Variants in NSD1 observed in about 807,000 individuals in gnomAD.
NSD1 encodes the protein histone-lysine N-methyltransferase, H3 lysine-36 specific.
In NSD1, 26 loss-of-function variants were observed where a neutral mutation model predicts 242.7. The observed-to-expected ratio is 0.11, with a 90% confidence interval of 0.08 to 0.15. The LOEUF (loss-of-function observed/expected upper bound fraction) is 0.15, where lower values mean the gene tolerates loss of function less well. NSD1 is among the 10% of genes least tolerant of loss of function. NSD1 has a pLI of 1.00. For synonymous variants in NSD1, 1,106 were observed against 1,178.1 expected (o/e 0.94, Z 1.25); for missense variants, 2,495 against 3,272.8 (o/e 0.76, Z 5.80).
chr5:177,246,041 G>C (rs1766269037), intron 9 of NSD1, among the ~76,000 whole-genome samples: 5 of 151,428 alleles, frequency 3.3e-5, no homozygotes, highest in Admixed American at 2.6e-4. Context: ...CATGATCTCG[G>C]CTCACTGCAA....
intron 2 of NSD1, among the ~76,000 whole-genome samples, chr5:177,153,379 G>A (rs575916549): frequency 5.9e-5 from 9 of 151,872 alleles, no homozygotes; most frequent in African/African-American, 2.2e-4. Flanking sequence ...CACTTAGATA[G>A]CACTGATTTT....
intron 9 of NSD1, among the ~76,000 whole-genome samples, chr5:177,244,803 A>T (rs569961367): frequency 6.6e-6 from 1 of 152,372 alleles, no homozygotes; most frequent in Admixed American, 6.5e-5. Flanking sequence ...GCCTACGATT[A>T]TTAAATTTTC....
intron 12 of NSD1, among the ~76,000 whole-genome samples, chr5:177,256,543 G>A (rs2149911675): frequency 6.6e-6 from 1 of 152,158 alleles, no homozygotes; most frequent in East Asian, 1.9e-4. Context: ...TCAGCCTCCT[G>A]AAGTGCTGGG....
At chr5:177,257,904 G>T (rs6877611) in intron 13 of NSD1, among the ~76,000 whole-genome samples, 110,968 of 144,468 alleles carry the variant, frequency 0.77, 43,896 homozygotes, top group Middle Eastern at 0.9. Flanking sequence ...GACCTCGTGA[G>T]CCACTCACCT....
intron 5 of NSD1, among the ~76,000 whole-genome samples, chr5:177,227,469 T>G (rs1000239371): frequency 2.0e-5 from 3 of 152,132 alleles, no homozygotes; most frequent in Admixed American, 2.0e-4. Flanking sequence ...TATTATTATT[T>G]TTAGACAGAG....
intron 11 of NSD1, among the ~76,000 whole-genome samples, chr5:177,251,011 GA>G (rs1755905709): frequency 6.6e-6 from 1 of 152,108 alleles, no homozygotes; most frequent in African/African-American, 2.4e-5. Context: ...CCAACGTGGT[GA>G]AACCCCATCT....
At chr5:177,133,637 G>A (rs1221835535), upstream of NSD1, 1 of 150,022 alleles carries the variant, frequency 6.7e-6, no homozygotes, top group Admixed American at 6.6e-5. The surrounding 1 kb of genome is among the most constrained non-coding windows in gnomAD (Gnocchi z 6.2). Flanking sequence ...CCCGAAGAGT[G>A]AGAGAAGGGA....
intron 2 of NSD1, among the ~76,000 whole-genome samples, chr5:177,158,285 CTTTCTTTCTTT>C (rs1486158165): frequency 1.1e-5 from 1 of 90,840 alleles, no homozygotes; most frequent in Non-Finnish European, 2.0e-5. Context: ...TTCTTTCTTT[CTTTCTTTCTTT>C]CTTTCTTTTC....
At chr5:177,207,193 C>T (rs1022485758) in intron 4 of NSD1, among the ~76,000 whole-genome samples, 3 of 152,096 alleles carry the variant, frequency 2.0e-5, no homozygotes, top group African/African-American at 4.8e-5. Context: ...GCCATCCCCC[C>T]GACCTTGGCC....
chr5:177,135,966 C>T lies in NSD1; in HGVS notation c.863C>T (p.Thr288Ile). 1.2e-6 allele frequency: 2 copies of T among 1,614,102 alleles called. No homozygotes were observed. Among genetic ancestry groups the T allele is most frequent in the South Asian group, 1.1e-5 (1 of 91,064 alleles). The change falls in exon 2 of 23, where the codon ACA becomes ATA. Residue 288 changes from threonine to isoleucine, a missense_variant. Thr to Ile is a moderately conservative substitution (Grantham distance 89, BLOSUM62 -1). Transcript: ENST00000439151. ...GATGATCCAGATTCCAGTACCAGTA[C>T]ATTAGGAAACATGCTAGAATTACCT... ...FQDDPDSSTSTLGNMLELPGT... is the reference protein window; with the variant it reads ...FQDDPDSSTSILGNMLELPGT...
chr5:177,211,272 C>T lies in NSD1; in HGVS notation c.2873C>T (p.Ser958Leu). The T allele has an allele frequency of 1.2e-6, 2 of 1,614,114 alleles. No individual in the cohort carries two copies. Among genetic ancestry groups the T allele is most frequent in the Non-Finnish European group, 1.7e-6 (2 of 1,180,018 alleles). Residue 958 changes from serine to leucine, a missense_variant, in exon 5 of 23, where the codon TCA becomes TTA. Physicochemically the swap from Ser to Leu is moderately radical, Grantham distance 145. Coordinates refer to ENST00000439151, the MANE Select transcript of NSD1 (RefSeq NM_022455.5). Reference protein sequence around the residue: ...SPVGVSKVLVSGGSTHNSEKK... With the variant: ...SPVGVSKVLVLGGSTHNSEKK... Reference sequence around the variant, plus strand: ...GTAGGAGTCTCTAAGGTTTTGGTTTCAGGAGGCTCCACACACAATTCAGAG... The same window carrying T: ...GTAGGAGTCTCTAAGGTTTTGGTTTTAGGAGGCTCCACACACAATTCAGAG...
At chr5:177,223,049 C>G (rs561978159) in intron 5 of NSD1, among the ~76,000 whole-genome samples, 37 of 150,688 alleles carry the variant, frequency 2.5e-4, no homozygotes, top group African/African-American at 8.8e-4. Flanking sequence ...TGTGGGTGTC[C>G]ACTTGTTGAA....
At position 177,158,237 on chromosome 5, in the gene NSD1, ATTTCTTTCTTTCTTTCTTTC is replaced by A. The variant is rs1166834243; in HGVS notation, c.927+22255_927+22274del. Among the ~76,000 whole-genome samples, 824 of 109,080 alleles carry A rather than the reference ATTTCTTTCTTTCTTTCTTTC, an allele frequency of 7.6e-3. 7 individuals carry two copies. The highest frequency in any genetic ancestry group is 6.8e-3 in the Non-Finnish European group (356 of 52,428). The allele number at this position is 109,080 out of a possible 152,430, so 71.6% of individuals were successfully genotyped here. A position where few individuals can be genotyped will look rare whatever the true frequency, so the allele number is the denominator to read the frequency against. On this transcript the variant is annotated intron_variant, in intron 2 of 22. Coordinates refer to ENST00000439151, the MANE Select transcript of NSD1 (RefSeq NM_022455.5). ...CCTACTTTAGCCTATATGGGTTCTA[ATTTCTTTCTTTCTTTCTTTC>A]TTTCTTTCTTTCTTTCTTTCTTTCT...
rs750730306 is a variant in NSD1, at chr5:177,159,920, C to T, written c.927+23890C>T. ...ATTTTTTTTTTTTTAAATGGAGTCT[C>T]GCTCTGTGGCCCAGGCTGGAATGCA... On this transcript the variant is annotated intron_variant, in intron 2 of 22. Transcript: ENST00000439151. 8.1e-4 allele frequency among the ~76,000 whole-genome samples: 122 copies of T among 149,864 alleles called. 1 individual carries two copies. Among genetic ancestry groups the T allele is most frequent in the Non-Finnish European group, 6.1e-4 (41 of 67,596 alleles).
At chr5:177,194,350 C>T (rs1007545932) in intron 3 of NSD1, among the ~76,000 whole-genome samples, 2 of 151,792 alleles carry the variant, frequency 1.3e-5, no homozygotes, top group Admixed American at 1.3e-4. Flanking sequence ...GCCTTGATCT[C>T]CAGGGCTCAA....
At chr5:177,155,190 T>A (rs779747164) in intron 2 of NSD1, among the ~76,000 whole-genome samples, 12 of 152,108 alleles carry the variant, frequency 7.9e-5, no homozygotes, top group Non-Finnish European at 1.5e-4. Flanking sequence ...GGTTTCTCCA[T>A]GTTGGTCAGG....
chr5:177,206,880 C>T (rs1383508336), intron 4 of NSD1, among the ~76,000 whole-genome samples: 1 of 151,788 alleles, frequency 6.6e-6, no homozygotes, highest in Non-Finnish European at 1.5e-5. Flanking sequence ...ATACACACTA[C>T]CAGATTGTCC....
intron 2 of NSD1, among the ~76,000 whole-genome samples, chr5:177,162,648 C>T (rs529366780): frequency 3.3e-5 from 5 of 152,194 alleles, no homozygotes; most frequent in Non-Finnish European, 7.4e-5. Flanking sequence ...TCCCAAAGTG[C>T]TGGGATTACA....
chr5:177,246,460 T>A (rs1766301497), intron 9 of NSD1, among the ~76,000 whole-genome samples: 1 of 152,224 alleles, frequency 6.6e-6, no homozygotes, highest in Admixed American at 6.5e-5. Flanking sequence ...ACACTTACTA[T>A]TTAATCTATA....
Sources: gnomAD v4.1 joint callset for allele counts (sites outside exome capture counted in the v4.1 genomes callset) on GRCh38, gnomAD v4.1.1 for gene constraint, Gnocchi (gnomAD v3.1) non-coding constraint, MANE v1.5 for transcripts, NCBI Gene and HGNC (gene_info 2026-07-23, HGNC 2026-07-21) for gene names.